Variants in MEX3C observed in about 807,000 individuals in gnomAD.
MEX3C encodes the protein RNA-binding E3 ubiquitin-protein ligase MEX3C.
MEX3C carries 15 observed loss-of-function variants against 35.5 expected under a neutral mutation model. That is an observed-to-expected ratio of 0.42 (90% CI 0.28 to 0.65). The LOEUF (loss-of-function observed/expected upper bound fraction) is 0.65, where lower values mean the gene tolerates loss of function less well. Ranked by LOEUF, MEX3C falls within the 30% of genes least tolerant of loss-of-function variation. The probability of loss-of-function intolerance (pLI) is 0.20; values close to 1 mark genes in which losing one functional copy is unlikely to be tolerated. For synonymous variants in MEX3C, 390 were observed against 352.8 expected (o/e 1.11, Z -1.18); for missense variants, 711 against 842.8 (o/e 0.84, Z 1.94).
At chr18:51,178,002 C>G (rs562346475) in intron 1 of MEX3C, among the ~76,000 whole-genome samples, 1 of 151,966 alleles carries the variant, frequency 6.6e-6, no homozygotes, top group Non-Finnish European at 1.5e-5. Flanking sequence ...GGTGTACTCA[C>G]GCTAGTAACT....
In MEX3C at chr18:51,176,790, T is replaced by A; in HGVS notation, c.1541A>T (p.Glu514Val). 1 of 1,613,982 alleles carries A rather than the reference T, an allele frequency of 6.2e-7. No individual in the cohort carries two copies. Among genetic ancestry groups the A allele is most frequent in the Non-Finnish European group, 8.5e-7 (1 of 1,179,880 alleles). The change falls in exon 2 of 2, where the codon GAA becomes GTA. Residue 514 changes from glutamate (E) to valine (V), a missense_variant. By Grantham distance (121) the Glu-to-Val change is moderately radical. Transcript: ENST00000406189. ...AAAGCCAGAGAGTGGGTTAACTGGTTCAAATGGAGTCCAGATAGTTTGAGC... is the reference window on the plus strand; with the variant it reads ...AAAGCCAGAGAGTGGGTTAACTGGTACAAATGGAGTCCAGATAGTTTGAGC... ...TSAQTIWTPF[E>V]PVNPLSGFGS... is the part of the protein sequence containing the mutation.
intron 1 of MEX3C, among the ~76,000 whole-genome samples, chr18:51,186,832 TTA>T (rs1293439451): frequency 6.6e-6 from 1 of 152,220 alleles, no homozygotes; most frequent in Non-Finnish European, 1.5e-5. Context: ...ACTAAACGCA[TTA>T]TGTTTTCCAT....
In MEX3C at chr18:51,196,653, G is replaced by A; in HGVS notation, c.668C>T (p.Ala223Val). 1 of 1,570,804 alleles carries A rather than the reference G, an allele frequency of 6.4e-7. No homozygotes were observed. The highest frequency in any genetic ancestry group is 1.2e-5 in the South Asian group (1 of 86,700). The change falls in exon 1 of 2, where the codon GCC becomes GTC. Residue 223 changes from alanine to valine, a missense_variant. Coordinates refer to ENST00000406189, the MANE Select transcript of MEX3C (RefSeq NM_016626.5). ...AAAALNGEQA[A>V]LLRRKSVNTT... is the part of the protein sequence containing the mutation. ...GTTGACGCTCTTTCTCCGGAGCAGG[G>A]CCGCCTGCTCCCCGTTCAGGGCGGC...
In MEX3C at chr18:51,177,124, C is replaced by T; in HGVS notation, c.1207G>A (p.Glu403Lys). 2 of 1,613,956 alleles carry T rather than the reference C, an allele frequency of 1.2e-6. No individual in the cohort carries two copies. The highest frequency in any genetic ancestry group is 1.7e-6 in the Non-Finnish European group (2 of 1,179,898). ...MRTGNYIELN[E>K]ENDFHYNGTD... is the part of the protein sequence containing the mutation. Reference sequence around the variant, plus strand: ...CCATTGTAATGGAAATCATTCTCTTCATTGAGCTCTATATAGTTTCCTGTA... The same window carrying T: ...CCATTGTAATGGAAATCATTCTCTTTATTGAGCTCTATATAGTTTCCTGTA... The change falls in exon 2 of 2, where the codon GAA becomes AAA. Residue 403 changes from glutamate (E) to lysine (K), a missense_variant. By Grantham distance (56) the Glu-to-Lys change is moderately conservative (BLOSUM62 1). Transcript: ENST00000406189. This position sits in a 1 kb window ranked among gnomAD's most constrained non-coding sequence, Gnocchi z 4.2.
At position 51,196,873 on chromosome 18, in the gene MEX3C, T is replaced by C; in HGVS notation, c.448A>G (p.Thr150Ala). Residue 150 changes from threonine to alanine, a missense_variant, in exon 1 of 2, where the codon ACC becomes GCC. Physicochemically the swap from Thr to Ala is moderately conservative, Grantham distance 58. This residue lies in a region of MEX3C where 354 missense variants were observed against 311.6 expected (regional missense o/e 1.14). Transcript: ENST00000406189. ...GGGATCTGCTGGGTCTGAGAGGCGG[T>C]GGCCGCGGGCGGCGACAGCAGCAGC... The part of the protein sequence containing the change: ...SLLLLSPPAA[T>A]ASQTQQIPGG... The C allele has an allele frequency of 8.4e-6, 13 of 1,538,598 alleles. No individual in the cohort carries two copies. Among genetic ancestry groups the C allele is most frequent in the Non-Finnish European group, 1.1e-5 (13 of 1,145,210 alleles).
chr18:51,195,735 A>C (rs1438222414), intron 1 of MEX3C: 1 of 152,338 alleles, frequency 6.6e-6, no homozygotes, highest in Admixed American at 6.5e-5. Context: ...CCACCTTCAC[A>C]AATCTACTCC....
In MEX3C at chr18:51,175,254, C is replaced by G. The variant is rs1230494804; in HGVS notation, c.*1097G>C. On this transcript the variant is annotated 3_prime_UTR_variant, in exon 2 of 2. Coordinates refer to ENST00000406189, the MANE Select transcript of MEX3C (RefSeq NM_016626.5). ...TAATGTTTTGTCCTTTCAATGCCAG[C>G]ACAGATTTGGGAACATACTGAGGAT... is the stretch of plus-strand genomic sequence containing the variant. The G allele has an allele frequency of 6.6e-6, 1 of 152,440 alleles. No homozygotes were observed. Among genetic ancestry groups the G allele is most frequent in the Non-Finnish European group, 1.5e-5 (1 of 68,018 alleles). The allele number at this position is 152,440 out of a possible 1,614,324, so 9.4% of individuals were successfully genotyped here.
In MEX3C at chr18:51,176,443, T is replaced by G; in HGVS notation, c.1888A>C (p.Met630Leu). ...TCACAGATCTTGTTGGCACATTCCATGCAGAAGAGGTTGTGGCCACATGGA... is the reference window on the plus strand; with the variant it reads ...TCACAGATCTTGTTGGCACATTCCAGGCAGAAGAGGTTGTGGCCACATGGA... The part of the protein sequence containing the change: ...LVPCGHNLFC[M>L]ECANKICEKR... The change falls in exon 2 of 2, where the codon ATG (methionine) becomes CTG (leucine). Residue 630 changes from methionine (M) to leucine (L), a missense_variant. Around this residue, in one of 4 missense-constraint regions of MEX3C, gnomAD observed 87 missense variants for 150.4 expected, o/e 0.58. Coordinates refer to ENST00000406189, the MANE Select transcript of MEX3C (RefSeq NM_016626.5). 6.2e-7 allele frequency: 1 copy of G among 1,614,070 alleles called. No individual in the cohort carries two copies. The highest frequency in any genetic ancestry group is 8.5e-7 in the Non-Finnish European group (1 of 1,179,896).
chr18:51,178,130 A>T (rs1401177068), intron 1 of MEX3C, among the ~76,000 whole-genome samples: 1 of 147,768 alleles, frequency 6.8e-6, no homozygotes, highest in Non-Finnish European at 1.5e-5. Flanking sequence ...GGGCTGGAAT[A>T]AAAAAAAAAG....
intron 1 of MEX3C, among the ~76,000 whole-genome samples, chr18:51,189,806 T>C (rs755943119): frequency 2.0e-5 from 3 of 152,210 alleles, no homozygotes; most frequent in Non-Finnish European, 2.9e-5. Flanking sequence ...TCTTCCAGAC[T>C]TGCTTAGTTC....
At chr18:51,191,563 T>C (rs142704001) in intron 1 of MEX3C, among the ~76,000 whole-genome samples, 77 of 152,328 alleles carry the variant, frequency 5.1e-4, no homozygotes, top group African/African-American at 1.8e-3. Context: ...ATCCGTTGGT[T>C]CTAGTTCTAT....
chr18:51,197,226 A>G lies in MEX3C; in HGVS notation c.95T>C (p.Leu32Pro). ...PPPPPPPPPP[L>P]PPPSGGPELE... ...CTCCGGGCCGCCCGAGGGCGGCGGC[A>G]GAGGCGGCGGTGGCGGCGGCGGCGG... Residue 32 changes from leucine (L) to proline (P), a missense_variant, in exon 1 of 2, where the codon CTG becomes CCG. Coordinates refer to ENST00000406189, the MANE Select transcript of MEX3C (RefSeq NM_016626.5). The G allele has an allele frequency of 1.4e-5, 14 of 996,694 alleles. No individual in the cohort carries two copies. The highest frequency in any genetic ancestry group is 5.0e-4 in the Middle Eastern group (1 of 1,994). 61.7% of individuals were successfully genotyped at this position (996,694 alleles called of 1,614,324 possible).
chr18:51,181,741 A>G (rs182892668), intron 1 of MEX3C, among the ~76,000 whole-genome samples: 6 of 152,366 alleles, frequency 3.9e-5, no homozygotes, highest in Admixed American at 6.5e-5. Flanking sequence ...TACACTCATA[A>G]AAGTGGTTGA....
chr18:51,197,417 G>C lies in MEX3C; in HGVS notation c.-97C>G. Reference sequence around the variant, plus strand: ...ACAGGGCCAGGGCCCTGCTCAGCTCGCAAACACCTTTCCTCTGGGGAGGCG... The same window carrying C: ...ACAGGGCCAGGGCCCTGCTCAGCTCCCAAACACCTTTCCTCTGGGGAGGCG... On this transcript the variant is annotated 5_prime_UTR_variant, in exon 1 of 2. Transcript: ENST00000406189. 1 of 158,058 alleles carries C rather than the reference G, an allele frequency of 6.3e-6. No homozygotes were observed. The highest frequency in any genetic ancestry group is 1.8e-4 in the South Asian group (1 of 5,688). The allele number at this position is 158,058 out of a possible 1,614,324, so 9.8% of individuals were successfully genotyped here. A position where few individuals can be genotyped will look rare whatever the true frequency, so the allele number is the denominator to read the frequency against.
rs1046906464 is a variant in MEX3C, at chr18:51,197,632, C to G, written c.-312G>C. Among the ~76,000 whole-genome samples, 3 of 150,968 alleles carry G rather than the reference C, an allele frequency of 2.0e-5. No individual in the cohort carries two copies. Among genetic ancestry groups the G allele is most frequent in the African/African-American group, 4.9e-5 (2 of 41,052 alleles). On this transcript the variant is annotated 5_prime_UTR_variant, in exon 1 of 2. Transcript: ENST00000406189. The stretch of plus-strand genomic sequence containing the variant: ...TCTTTTGTTTCATGGCCTTAACCAG[C>G]CCCCGGCGCGCGCGGCGGCGGCGGC...
At position 51,197,086 on chromosome 18, in the gene MEX3C, C is replaced by T; in HGVS notation, c.235G>A (p.Gly79Ser). The change falls in exon 1 of 2, where the codon GGC (glycine) becomes AGC (serine). Residue 79 changes from glycine (G) to serine (S), a missense_variant. Physicochemically the swap from Gly to Ser is moderately conservative, Grantham distance 56. Transcript: ENST00000406189. ...ALRAPAAAAQ[G>S]QARRAAELSP... ...AGCTCCGCCGCCCGCCGGGCCTGGC[C>T]CTGCGCCGCCGCTGCCGGGGCCCGA... 1.6e-6 allele frequency: 2 copies of T among 1,221,184 alleles called. No individual in the cohort carries two copies. Among genetic ancestry groups the T allele is most frequent in the Non-Finnish European group, 2.0e-6 (2 of 983,416 alleles). 75.6% of individuals were successfully genotyped at this position (1,221,184 alleles called of 1,614,324 possible).
At chr18:51,190,101 G>A (rs1421939081) in intron 1 of MEX3C, among the ~76,000 whole-genome samples, 1 of 152,170 alleles carries the variant, frequency 6.6e-6, no homozygotes, top group East Asian at 1.9e-4. Flanking sequence ...AAATGAGGGA[G>A]AGGGGAGAGA....
At chr18:51,184,641 G>A (rs4940060) in intron 1 of MEX3C, among the ~76,000 whole-genome samples, 4,172 of 152,174 alleles carry the variant, frequency 0.027, 188 homozygotes, top group African/African-American at 0.089. Flanking sequence ...AGGATCACTT[G>A]AGTTCAGGAG....
Position 51,177,851 on chromosome 18 carries a change from A to G in MEX3C, c.755-275T>C, listed in dbSNP as rs1912337963. 6.6e-6 allele frequency among the ~76,000 whole-genome samples: 1 copy of G among 152,222 alleles called. No individual in the cohort carries two copies. The highest frequency in any genetic ancestry group is 2.4e-5 in the African/African-American group (1 of 41,450). ...AATTATCTTACCACTTTAACTTAAC[A>G]TTACTCTTTCCTCTGTAAAACTCAA... On this transcript the variant is annotated intron_variant, in intron 1 of 1. Coordinates refer to ENST00000406189, the MANE Select transcript of MEX3C (RefSeq NM_016626.5). The surrounding 1 kb of genome is among the most constrained non-coding windows in gnomAD (Gnocchi z 4.2).
Sources: gnomAD v4.1 joint callset for allele counts (sites outside exome capture counted in the v4.1 genomes callset) on GRCh38, gnomAD v4.1.1 for gene constraint, gnomAD v4.1.1 regional missense constraint, Gnocchi (gnomAD v3.1) non-coding constraint, MANE v1.5 for transcripts, NCBI Gene and HGNC (gene_info 2026-07-23, HGNC 2026-07-21) for gene names.